Variants in ATXN7L1 observed in about 807,000 individuals in gnomAD.
The protein encoded by ATXN7L1 is ataxin-7-like protein 1.
A neutral mutation model predicts 70.8 loss-of-function variants in ATXN7L1; 15 were observed. The observed-to-expected ratio is 0.21, with a 90% CI of 0.14 to 0.33. ATXN7L1 has a LOEUF of 0.33. ATXN7L1 is among the 10% of genes least tolerant of loss of function. The pLI is 1.00. For missense variants in ATXN7L1, 975 were observed against 1,097.1 expected (o/e 0.89, Z 1.57); for synonymous variants, 440 against 445.1 (o/e 0.99, Z 0.14).
chr7:105,664,617 C>A (rs1802323087), intron 4 of ATXN7L1, among the ~76,000 whole-genome samples: 1 of 141,242 alleles, frequency 7.1e-6, no homozygotes, highest in Non-Finnish European at 1.6e-5. Context: ...GTCACCCAGG[C>A]TGGAGTGCAG....
intron 8 of ATXN7L1, among the ~76,000 whole-genome samples, chr7:105,622,249 A>G (rs1163221945): frequency 6.6e-6 from 1 of 152,254 alleles, no homozygotes; most frequent in Non-Finnish European, 1.5e-5. Context: ...TCCCGAGTTT[A>G]GCGAATCCAC....
At chr7:105,813,644 T>C (rs1585064571) in intron 2 of ATXN7L1, among the ~76,000 whole-genome samples, 1 of 152,208 alleles carries the variant, frequency 6.6e-6, no homozygotes, top group Non-Finnish European at 1.5e-5. Context: ...GCCCACAATC[T>C]ATAATTTTAA....
intron 2 of ATXN7L1, among the ~76,000 whole-genome samples, chr7:105,852,727 TC>T (rs1815064057): frequency 6.6e-6 from 1 of 151,476 alleles, no homozygotes; most frequent in Non-Finnish European, 1.5e-5. Context: ...TTTGACCCGC[TC>T]ACAGATAGAA....
intron 3 of ATXN7L1, among the ~76,000 whole-genome samples, chr7:105,783,261 A>T (rs1407218533): frequency 1.2e-4 from 18 of 152,212 alleles, no homozygotes; most frequent in Admixed American, 1.2e-3. Context: ...ATATAATAGG[A>T]AACATATATT....
Position 105,788,756 on chromosome 7 carries a change from T to C in ATXN7L1, c.251-48A>G, listed in dbSNP as rs146399473. Reference sequence around the variant, plus strand: ...TGTGTTTTGAAAAAGCAATTAAGTCTCAGAAGGTGTACAGTTTCCTCTTGG... The same window carrying C: ...TGTGTTTTGAAAAAGCAATTAAGTCCCAGAAGGTGTACAGTTTCCTCTTGG... On this transcript the variant is annotated intron_variant, in intron 2 of 11. Transcript: ENST00000419735. 26 of 1,425,782 alleles carry C rather than the reference T, an allele frequency of 1.8e-5. No individual in the cohort carries two copies. In the African/African-American group the frequency reaches 3.1e-4, roughly 17 times the overall value. The allele number at this position is 1,425,782 out of a possible 1,614,324, so 88.3% of individuals were successfully genotyped here. A position where few individuals can be genotyped will look rare whatever the true frequency, so the allele number is the denominator to read the frequency against.
chr7:105,731,586 C>G (rs1371444211), intron 3 of ATXN7L1, among the ~76,000 whole-genome samples: 1 of 151,426 alleles, frequency 6.6e-6, no homozygotes, highest in Non-Finnish European at 1.5e-5. Flanking sequence ...ATGCACCCAC[C>G]ACCACGCCCG....
chr7:105,645,437 G>A lies in ATXN7L1; in HGVS notation c.579-2316C>T, dbSNP rs546266221. Reference sequence around the variant, plus strand: ...AGCACTTTGGGAGGCTGAGGCGGGTGGATCACCTGAGGTCAGGAGTTCAAG... The same window carrying A: ...AGCACTTTGGGAGGCTGAGGCGGGTAGATCACCTGAGGTCAGGAGTTCAAG... On this transcript the variant is annotated intron_variant, in intron 4 of 11. Coordinates refer to ENST00000419735, the MANE Select transcript of ATXN7L1 (RefSeq NM_020725.2). Among the ~76,000 whole-genome samples, 11 of 152,054 alleles carry A rather than the reference G, an allele frequency of 7.2e-5. No individual in the cohort carries two copies. In the South Asian group the frequency reaches 2.3e-3, roughly 32 times the overall value.
Position 105,620,337 on chromosome 7 carries a change from A to G in ATXN7L1, c.1396-16T>C. 1 of 1,535,876 alleles carries G rather than the reference A, an allele frequency of 6.5e-7. No individual in the cohort carries two copies. The highest frequency in any genetic ancestry group is 8.8e-7 in the Non-Finnish European group (1 of 1,141,300). Reference sequence around the variant, plus strand: ...ATGAGCAAAACTGTGAGGAAAAAAAAATTTTAATTTTGATTACAGGTTAAT... The same window carrying G: ...ATGAGCAAAACTGTGAGGAAAAAAAGATTTTAATTTTGATTACAGGTTAAT... On this transcript the variant is annotated splice_polypyrimidine_tract_variant and intron_variant, in intron 8 of 11. Transcript: ENST00000419735.
intron 2 of ATXN7L1, among the ~76,000 whole-genome samples, chr7:105,851,445 A>T (rs79971682): frequency 6.6e-6 from 1 of 152,054 alleles, no homozygotes; most frequent in African/African-American, 2.4e-5. Context: ...TATCTCTGTC[A>T]GTCTATCTCC....
intron 3 of ATXN7L1, among the ~76,000 whole-genome samples, chr7:105,669,044 C>G (rs1304447126): frequency 1.3e-5 from 2 of 152,048 alleles, no homozygotes; most frequent in Non-Finnish European, 2.9e-5. Flanking sequence ...CCACATCTGG[C>G]CCACAAAACA....
rs555430625 is a variant in ATXN7L1, at chr7:105,821,142, C to T, written c.251-32434G>A. On this transcript the variant is annotated intron_variant, in intron 2 of 11. Coordinates refer to ENST00000419735, the MANE Select transcript of ATXN7L1 (RefSeq NM_020725.2). ...GCAACCTCTGCCTCCCGGGTTCAAG[C>T]GATTCTCCTGCCTCAGCCTCCTGAG... Among the ~76,000 whole-genome samples, 7 of 152,252 alleles carry T rather than the reference C, an allele frequency of 4.6e-5. No homozygotes were observed. In the South Asian group the frequency reaches 1.4e-3, roughly 32 times the overall value.
chr7:105,822,895 A>C (rs1810358603), intron 2 of ATXN7L1, among the ~76,000 whole-genome samples: 1 of 152,164 alleles, frequency 6.6e-6, no homozygotes, highest in Admixed American at 6.5e-5. Flanking sequence ...TTTAACTTTT[A>C]AATTTTGTTT....
chr7:105,717,942 A>C (rs1794756947), intron 3 of ATXN7L1, among the ~76,000 whole-genome samples: 1 of 152,224 alleles, frequency 6.6e-6, no homozygotes, highest in South Asian at 2.1e-4. Context: ...TTGTAATGGT[A>C]AGAATATTAA....
chr7:105,862,608 G>A (rs1434223229), intron 2 of ATXN7L1, among the ~76,000 whole-genome samples: 9 of 152,064 alleles, frequency 5.9e-5, no homozygotes, highest in South Asian at 2.1e-4. Context: ...GGGGCCCATC[G>A]AAGGTCACCT....
chr7:105,740,768 C>CTTTTTTTTTTT lies in ATXN7L1; in HGVS notation c.355+47835_355+47836insAAAAAAAAAAA, dbSNP rs1563055385. Reference sequence around the variant, plus strand: ...CTGCTCAGTCAAAGGTGGCTCCATTCATTTTTTTTTTTTTTTAATGGAGTC... The same window carrying CTTTTTTTTTTT: ...CTGCTCAGTCAAAGGTGGCTCCATTCTTTTTTTTTTTATTTTTTTTTTTTTTTAATGGAGTC... On this transcript the variant is annotated intron_variant, in intron 3 of 11. Coordinates refer to ENST00000419735, the MANE Select transcript of ATXN7L1 (RefSeq NM_020725.2). Among the ~76,000 whole-genome samples the CTTTTTTTTTTT allele has an allele frequency of 6.1e-5, 6 of 98,304 alleles. No homozygotes were observed. In the East Asian group the frequency reaches 2.3e-3, roughly 38 times the overall value. 64.5% of individuals were successfully genotyped at this position (98,304 alleles called of 152,430 possible). A position where few individuals can be genotyped will look rare whatever the true frequency, so the allele number is the denominator to read the frequency against.
At chr7:105,668,502 G>A (rs1350713291) in intron 3 of ATXN7L1, among the ~76,000 whole-genome samples, 1 of 152,162 alleles carries the variant, frequency 6.6e-6, no homozygotes, top group Non-Finnish European at 1.5e-5. Flanking sequence ...TTTCTCTTGA[G>A]CCTGGGAGAA....
At chr7:105,857,321 A>C (rs940797050) in intron 2 of ATXN7L1, among the ~76,000 whole-genome samples, 1 of 152,174 alleles carries the variant, frequency 6.6e-6, no homozygotes, top group African/African-American at 2.4e-5. Flanking sequence ...ATAGACTGAG[A>C]TATCTTCCTT....
chr7:105,756,253 T>A (rs1799786932), intron 3 of ATXN7L1, among the ~76,000 whole-genome samples: 1 of 148,276 alleles, frequency 6.7e-6, no homozygotes, highest in African/African-American at 2.4e-5. Context: ...ATCACCCATT[T>A]AAAAAAACTC....
At chr7:105,715,419 C>G (rs1794420891) in intron 3 of ATXN7L1, among the ~76,000 whole-genome samples, 1 of 152,236 alleles carries the variant, frequency 6.6e-6, no homozygotes. Context: ...TTCCTCAGAG[C>G]TTCCCTGTTT....
Sources: gnomAD v4.1 joint callset for allele counts (sites outside exome capture counted in the v4.1 genomes callset) on GRCh38, gnomAD v4.1.1 for gene constraint, MANE v1.5 for transcripts, NCBI Gene and HGNC (gene_info 2026-07-23, HGNC 2026-07-21) for gene names.